NTM: variants seen among roughly 807,000 people sequenced by gnomAD.
NTM encodes neurotrimin, also known as IgLON family member 2.
Under a neutral mutation model 42.1 loss-of-function variants are expected in NTM, and 13 were observed. The observed-to-expected ratio is 0.31, with a 90% confidence interval of 0.20 to 0.49. NTM has a LOEUF of 0.49. Among genes scored for constraint, NTM ranks in the 20% least tolerant of loss-of-function variants. NTM has a pLI of 0.99. For synonymous variants in NTM, 187 were observed against 179.2 expected (o/e 1.04, Z -0.35); for missense variants, 373 against 452.8 (o/e 0.82, Z 1.60).
intron 1 of NTM, among the ~76,000 whole-genome samples, chr11:131,797,623 G>A (rs1247527772): frequency 3.3e-5 from 5 of 152,296 alleles, no homozygotes; most frequent in Admixed American, 2.6e-4. Context: ...ATCACACAAA[G>A]TATGGTAATG....
chr11:131,670,364 T>A (rs2069933625), intron 1 of NTM, among the ~76,000 whole-genome samples: 1 of 150,550 alleles, frequency 6.6e-6, no homozygotes, highest in Admixed American at 6.6e-5. Context: ...TCTTACTTTC[T>A]TCCTTCCTTC....
chr11:131,389,379 T>C (rs539471853), intron 1 of NTM, among the ~76,000 whole-genome samples: 1 of 152,286 alleles, frequency 6.6e-6, no homozygotes, highest in South Asian at 2.1e-4. Flanking sequence ...GCCCAGAATA[T>C]CTGCCCAGCC....
intron 1 of NTM, among the ~76,000 whole-genome samples, chr11:131,631,111 C>T (rs1235710443): frequency 2.0e-5 from 3 of 152,224 alleles, no homozygotes; most frequent in South Asian, 2.1e-4. Flanking sequence ...TTCAGAAATA[C>T]GTGGAATTCA....
chr11:131,661,555 G>T (rs1208363014), intron 1 of NTM, among the ~76,000 whole-genome samples: 1 of 152,142 alleles, frequency 6.6e-6, no homozygotes, highest in East Asian at 1.9e-4. Flanking sequence ...ATTCCTGCCT[G>T]GTCGCCGAGG....
intron 2 of NTM, among the ~76,000 whole-genome samples, chr11:131,960,279 C>T (rs974193647): frequency 3.3e-5 from 5 of 152,194 alleles, no homozygotes; most frequent in Non-Finnish European, 5.9e-5. Context: ...CATCCAGAAT[C>T]ACAACTTGAC....
At chr11:131,562,448 G>T (rs1311817986) in intron 1 of NTM, among the ~76,000 whole-genome samples, 3 of 152,138 alleles carry the variant, frequency 2.0e-5, no homozygotes, top group Non-Finnish European at 4.4e-5. Flanking sequence ...TTCGCTGATG[G>T]TATTTGTCAG....
intron 1 of NTM, among the ~76,000 whole-genome samples, chr11:131,448,644 C>A (rs375842687): frequency 2.0e-5 from 3 of 152,214 alleles, no homozygotes; most frequent in Non-Finnish European, 4.4e-5. Context: ...AAGGAAGAGG[C>A]TACCTCAGGC....
At chr11:132,172,839 C>T (rs139825266) in intron 3 of NTM, among the ~76,000 whole-genome samples, 319 of 152,290 alleles carry the variant, frequency 2.1e-3, no homozygotes, top group African/African-American at 6.5e-3. Context: ...CCCTTTGTTT[C>T]GATCGCTTTT....
chr11:131,717,671 TTACTTCTTCC>T (rs1369999978), intron 1 of NTM, among the ~76,000 whole-genome samples: 6 of 152,348 alleles, frequency 3.9e-5, no homozygotes, highest in African/African-American at 1.4e-4. Context: ...AATGACAGTT[TTACTTCTTCC>T]TTTCCAGCAT....
intron 1 of NTM, among the ~76,000 whole-genome samples, chr11:131,800,021 G>A (rs1445077717): frequency 6.6e-6 from 1 of 152,144 alleles, no homozygotes; most frequent in African/African-American, 2.4e-5. Context: ...ATGAGATGAT[G>A]GACATAAAGC....
At chr11:132,179,813 C>T (rs923718334) in intron 3 of NTM, among the ~76,000 whole-genome samples, 1 of 152,046 alleles carries the variant, frequency 6.6e-6, no homozygotes, top group African/African-American at 2.4e-5. Context: ...AAGAGGAAAA[C>T]TTGAAGAAGA....
chr11:131,601,366 T>A (rs1008620715), intron 1 of NTM, among the ~76,000 whole-genome samples: 1 of 152,200 alleles, frequency 6.6e-6, no homozygotes, highest in Admixed American at 6.5e-5. Flanking sequence ...CCTCTCTGGG[T>A]CTCTCTGCAT....
chr11:132,296,586 C>T (rs138868838), intron 4 of NTM, among the ~76,000 whole-genome samples: 18 of 152,242 alleles, frequency 1.2e-4, no homozygotes, highest in East Asian at 9.7e-4. Context: ...TCCTAAGAGA[C>T]GTCGCCATAC....
chr11:132,079,586 C>G (rs574126245), intron 2 of NTM, among the ~76,000 whole-genome samples: 1 of 152,232 alleles, frequency 6.6e-6, no homozygotes, highest in Non-Finnish European at 1.5e-5. Context: ...CTTTATGTGT[C>G]AAAATCTCCT....
chr11:131,733,065 A>C (rs1220559736), intron 1 of NTM, among the ~76,000 whole-genome samples: 1 of 152,210 alleles, frequency 6.6e-6, no homozygotes, highest in East Asian at 1.9e-4. Flanking sequence ...AGATAATTTC[A>C]GATTACCTGA....
At chr11:131,881,145 G>T (rs1398729157) in intron 1 of NTM, among the ~76,000 whole-genome samples, 2 of 152,114 alleles carry the variant, frequency 1.3e-5, no homozygotes, top group Non-Finnish European at 2.9e-5. Context: ...TTCCTAAGGA[G>T]GCCTTCGCTC....
chr11:131,392,963 A>AC (rs1447364133), intron 1 of NTM, among the ~76,000 whole-genome samples: 5 of 152,114 alleles, frequency 3.3e-5, no homozygotes, highest in Non-Finnish European at 7.4e-5. Context: ...GGTTAAGTGT[A>AC]TTGTGCCCAC....
chr11:132,269,439 C>T (rs1004183154), intron 4 of NTM, among the ~76,000 whole-genome samples: 5 of 152,134 alleles, frequency 3.3e-5, no homozygotes, highest in African/African-American at 9.7e-5. Context: ...ATTTCACTAC[C>T]GTTTGGTACT....
At chr11:131,535,218 A>C (rs2051982733) in intron 1 of NTM, 1 of 152,204 alleles carries the variant, frequency 6.6e-6, no homozygotes, top group African/African-American at 2.4e-5. Flanking sequence ...GCCTACTGTG[A>C]GTCAGGTGCT....
Sources: allele counts gnomAD v4.1 joint callset (sites outside exome capture counted in the v4.1 genomes callset), GRCh38; gene constraint gnomAD v4.1.1; transcripts MANE v1.5; gene names NCBI Gene and HGNC (gene_info 2026-07-23, HGNC 2026-07-21).